The following HDAC8 variants were observed in gnomAD, a reference collection of about 807,000 sequenced individuals.
HDAC8 encodes histone deacetylase-like 1.
In HDAC8, 1 loss-of-function variant was observed where a neutral mutation model predicts 32.2. The observed-to-expected ratio is 0.03, with a 90% CI of 0.01 to 0.15. The LOEUF (loss-of-function observed/expected upper bound fraction) is 0.15. Ranked by LOEUF, HDAC8 falls within the 10% of genes least tolerant of loss-of-function variation. The pLI is 1.00. For missense variants in HDAC8, 117 were observed against 300.0 expected (o/e 0.39, Z 4.51); for synonymous variants, 108 against 113.9 (o/e 0.95, Z 0.33).
chrX:72,402,466 T>A (rs2045932795), intron 9 of HDAC8, among the ~76,000 whole-genome samples: 1 of 109,219 alleles, frequency 9.2e-6, no homozygotes, highest in South Asian at 3.9e-4. Context: ...ATTTGAGATT[T>A]TTCTTTGTTT....
chrX:72,438,903 CAGG>C (rs2047034925), intron 9 of HDAC8, among the ~76,000 whole-genome samples: 1 of 111,755 alleles, frequency 8.9e-6, no homozygotes, highest in Non-Finnish European at 1.9e-5. Flanking sequence ...GGATATTATC[CAGG>C]AGAACTTCCC....
At chrX:72,495,755 A>T (rs1330157063) in intron 4 of HDAC8, among the ~76,000 whole-genome samples, 2 of 112,302 alleles carry the variant, frequency 1.8e-5, no homozygotes, top group African/African-American at 3.2e-5. Context: ...ATTTTTAAAA[A>T]GTTAGTTTTG....
At chrX:72,412,383 C>T (rs1176625011) in intron 9 of HDAC8, among the ~76,000 whole-genome samples, 1 of 111,642 alleles carries the variant, frequency 9.0e-6, no homozygotes, top group East Asian at 2.8e-4. Context: ...AGTCATTTAT[C>T]TTTCATAAGC....
intron 4 of HDAC8, among the ~76,000 whole-genome samples, chrX:72,550,063 A>G (rs2051012435): frequency 8.9e-6 from 1 of 111,740 alleles, no homozygotes; most frequent in African/African-American, 3.2e-5. Context: ...AAATCCTTAT[A>G]CTTTCTGAAA....
At chrX:72,505,985 G>C (rs2049379049) in intron 4 of HDAC8, among the ~76,000 whole-genome samples, 1 of 111,634 alleles carries the variant, frequency 9.0e-6, no homozygotes, top group Middle Eastern at 4.6e-3. Context: ...ACCTGACTCA[G>C]AGTCACTGAG....
intron 4 of HDAC8, among the ~76,000 whole-genome samples, chrX:72,560,565 T>TAAAAAAAA (rs147846647): frequency 2.8e-4 from 10 of 35,227 alleles, no homozygotes; most frequent in Admixed American, 7.6e-4. Flanking sequence ...CAATAAATAC[T>TAAAAAAAA]AAAAAAAAAA....
intron 9 of HDAC8, among the ~76,000 whole-genome samples, chrX:72,386,300 C>T (rs1015268011): frequency 1.8e-5 from 2 of 111,540 alleles, no homozygotes; most frequent in Non-Finnish European, 3.8e-5. Flanking sequence ...AAAATCATTT[C>T]CCCCAAATTC....
intron 4 of HDAC8, among the ~76,000 whole-genome samples, chrX:72,545,315 T>A (rs1293487008): frequency 1.8e-5 from 2 of 112,311 alleles, no homozygotes; most frequent in African/African-American, 6.5e-5. Flanking sequence ...GTCTGAGAGG[T>A]TGCCTAAGAA....
intron 9 of HDAC8, among the ~76,000 whole-genome samples, chrX:72,423,856 C>A (rs2046559384): frequency 8.9e-6 from 1 of 111,869 alleles, no homozygotes; most frequent in Non-Finnish European, 1.9e-5. Flanking sequence ...TGACTTCTGG[C>A]CCTTCTACAG....
intron 9 of HDAC8, among the ~76,000 whole-genome samples, chrX:72,450,031 A>C (rs1555986811): frequency 8.9e-6 from 1 of 112,301 alleles, no homozygotes; most frequent in East Asian, 2.8e-4. Context: ...ATGATTAAAC[A>C]ACCTATGGTA....
intron 5 of HDAC8, among the ~76,000 whole-genome samples, chrX:72,491,500 T>C (rs2048870660): frequency 8.9e-6 from 1 of 112,377 alleles, no homozygotes; most frequent in Non-Finnish European, 1.9e-5. Context: ...ACATTAGCCA[T>C]TATATACCAA....
chrX:72,385,301 A>G (rs1179261371), intron 9 of HDAC8, among the ~76,000 whole-genome samples: 1 of 110,030 alleles, frequency 9.1e-6, no homozygotes, highest in African/African-American at 3.3e-5. Flanking sequence ...TGTCTCTACA[A>G]AAAAATTAAA....
At chrX:72,351,862 A>G in intron 9 of HDAC8, 24 bp from the exon 10 acceptor site, 1 of 1,088,656 alleles carries the variant, frequency 9.2e-7, no homozygotes, top group Non-Finnish European at 1.3e-6. Context: ...GGAAAGGCCA[A>G]AAAACAAATT....
chrX:72,380,781 A>T (rs2045246548), intron 9 of HDAC8, among the ~76,000 whole-genome samples: 1 of 107,292 alleles, frequency 9.3e-6, no homozygotes, highest in East Asian at 2.8e-4. Flanking sequence ...CAATAAAAAT[A>T]AAAAAAAAAC....
At chrX:72,507,038 G>A (rs957867899) in intron 4 of HDAC8, among the ~76,000 whole-genome samples, 26 of 110,190 alleles carry the variant, frequency 2.4e-4, no homozygotes, top group African/African-American at 7.9e-4. Flanking sequence ...TTGTAGAGAC[G>A]GGGTTTTGCC....
chrX:72,330,207 T>G lies in HDAC8; in HGVS notation c.1112-131A>C, dbSNP rs1465590312. On this transcript the variant is annotated intron_variant, in intron 10 of 10. Coordinates refer to ENST00000373573, the MANE Select transcript of HDAC8 (RefSeq NM_018486.3). ...TGCTGCTCTTGGGAACTCTGTGACC[T>G]CGCCATAAGGAACAAGACCAGAATA... 3 of 496,853 alleles carry G rather than the reference T, an allele frequency of 6.0e-6. No individual in the cohort carries two copies. In the East Asian group the frequency reaches 1.1e-4, roughly 19 times the overall value. 40.9% of individuals were successfully genotyped at this position (496,853 alleles called of 1,213,427 possible). A position where few individuals can be genotyped will look rare whatever the true frequency, so the allele number is the denominator to read the frequency against.
intron 9 of HDAC8, among the ~76,000 whole-genome samples, chrX:72,446,994 G>A (rs973152711): frequency 1.2e-4 from 13 of 111,691 alleles, no homozygotes; most frequent in Admixed American, 5.7e-4. Flanking sequence ...ATTCATAGCC[G>A]AATTCTACCA....
At chrX:72,510,796 A>G (rs1207238426) in intron 4 of HDAC8, among the ~76,000 whole-genome samples, 1 of 111,761 alleles carries the variant, frequency 8.9e-6, no homozygotes, top group African/African-American at 3.3e-5. Context: ...TCTTTAGCAC[A>G]CTTTTTTTCA....
chrX:72,457,169 GA>G (rs370358899), intron 9 of HDAC8, among the ~76,000 whole-genome samples: 51 of 106,535 alleles, frequency 4.8e-4, no homozygotes, highest in South Asian at 1.2e-3. Flanking sequence ...TCATTTGTGA[GA>G]AAAAAAAAAG....
Sources: allele counts gnomAD v4.1 joint callset (sites outside exome capture counted in the v4.1 genomes callset), GRCh38; gene constraint gnomAD v4.1.1; transcripts MANE v1.5; gene names NCBI Gene and HGNC (gene_info 2026-07-23, HGNC 2026-07-21).